The following SDE2 variants were observed in gnomAD, a reference collection of about 807,000 sequenced individuals.
SDE2 encodes the protein splicing regulator SDE2.
In SDE2, 31 loss-of-function variants were observed where a neutral mutation model predicts 46.9. The observed-to-expected ratio is 0.66, with a 90% confidence interval of 0.50 to 0.89. The LOEUF (loss-of-function observed/expected upper bound fraction) is 0.89, where lower values mean the gene tolerates loss of function less well. Among genes scored for constraint, SDE2 ranks in the 40% least tolerant of loss-of-function variants. The pLI, the probability that SDE2 is intolerant of heterozygous loss-of-function variation, is 0.00. For synonymous variants in SDE2, 205 were observed against 204.3 expected, an observed-to-expected ratio of 1.00 and a Z score of -0.03; for missense variants, 542 against 564.4, an observed-to-expected ratio of 0.96 and a Z score of 0.40.
rs572028152 is a variant in SDE2 at position 225,996,466 on chromosome 1, C to T, written c.121-1083G>A. 2.6e-5 allele frequency among the ~76,000 whole-genome samples: 4 copies of T among 152,184 alleles called. No individual in the cohort carries two copies. The East Asian group carries it at 5.8e-4, about 22-fold the overall frequency. ...CAGAATGGCTTATTAAACAAAACAA[C>T]TGATCAACAAAATTGCATTTTCTAC... On this transcript the variant is annotated intron_variant, in intron 1 of 6. Transcript: ENST00000272091.
chr1:225,992,619 C>T lies in SDE2; in HGVS notation c.351-52G>A, dbSNP rs1197442401. 5.3e-6 allele frequency: 6 copies of T among 1,140,302 alleles called. No individual in the cohort carries two copies. The Admixed American group carries it at 1.1e-4, about 22-fold the overall frequency. The allele number at this position is 1,140,302 out of a possible 1,614,324, so 70.6% of individuals were successfully genotyped here. On this transcript the variant is annotated intron_variant, in intron 3 of 6. Coordinates refer to ENST00000272091, the MANE Select transcript of SDE2 (RefSeq NM_152608.4). Reference sequence around the variant, plus strand: ...ACTGAATAGATATATTACATATACACTTTTATATATAAAATGTCTCTGACG... The same window carrying T: ...ACTGAATAGATATATTACATATACATTTTTATATATAAAATGTCTCTGACG...
At chr1:225,986,914 A>G (rs1656281585) in intron 6 of SDE2, among the ~76,000 whole-genome samples, 1 of 152,244 alleles carries the variant, frequency 6.6e-6, no homozygotes, top group Admixed American at 6.5e-5. Flanking sequence ...GAAGGAAATT[A>G]AGTAGTTTAG....
chr1:225,995,044 A>G (rs1302012288), intron 2 of SDE2, among the ~76,000 whole-genome samples: 2 of 152,226 alleles, frequency 1.3e-5, no homozygotes, highest in Non-Finnish European at 2.9e-5. Context: ...GCAGTGTCTC[A>G]AAAGAAAGAA....
intron 1 of SDE2, among the ~76,000 whole-genome samples, chr1:225,998,740 C>G (rs1490855872): frequency 6.6e-6 from 1 of 152,134 alleles, no homozygotes; most frequent in African/African-American, 2.4e-5. Context: ...ATTTTCCTTC[C>G]CAATCATCCT....
Position 225,993,285 on chromosome 1 carries a change from C to G in SDE2, c.239-283G>C, listed in dbSNP as rs116708868. ...ATCCTTGTGTTAGTTATTTGCATAC[C>G]GGTATAATACCTGTACAGCTAGAAT... On this transcript the variant is annotated intron_variant, in intron 2 of 6. Transcript: ENST00000272091. Among the ~76,000 whole-genome samples the G allele has an allele frequency of 4.4e-3, 670 of 152,068 alleles. 5 individuals carry two copies. The highest frequency in any genetic ancestry group is 0.016 in the African/African-American group (647 of 41,480).
intron 2 of SDE2, among the ~76,000 whole-genome samples, chr1:225,993,862 T>C (rs914867237): frequency 6.6e-6 from 1 of 151,476 alleles, no homozygotes; most frequent in African/African-American, 2.4e-5. Flanking sequence ...CTTGAACTCC[T>C]GGGCTCAATG....
At position 225,985,470 on chromosome 1, in the gene SDE2, C is replaced by T. The variant is rs369714593; in HGVS notation, c.1188G>A (p.Leu396=). Residue 396 remains leucine, a synonymous_variant, in exon 7 of 7, where the codon CTG becomes CTA. Transcript: ENST00000272091. ...DLLAFTSVAE[L]ELLGLEKLKC... is the part of the protein sequence containing the mutation. Reference sequence around the variant, plus strand: ...TGAGCTTCTCCAAACCCAGCAACTCCAGTTCTGCAACAGAGGTGAACGCCA... The same window carrying T: ...TGAGCTTCTCCAAACCCAGCAACTCTAGTTCTGCAACAGAGGTGAACGCCA... 223 of 1,614,026 alleles carry T rather than the reference C, an allele frequency of 1.4e-4. No homozygotes were observed. The highest frequency in any genetic ancestry group is 1.8e-4 in the Non-Finnish European group (210 of 1,179,966).
intron 1 of SDE2, among the ~76,000 whole-genome samples, chr1:225,995,796 TAAG>T (rs1173696235): frequency 6.6e-6 from 1 of 152,128 alleles, no homozygotes; most frequent in Non-Finnish European, 1.5e-5. Flanking sequence ...CAGGTAGGAA[TAAG>T]AAGTAGAGAA....
At chr1:225,997,744 T>A (rs1368118622) in intron 1 of SDE2, among the ~76,000 whole-genome samples, 1 of 152,200 alleles carries the variant, frequency 6.6e-6, no homozygotes, top group African/African-American at 2.4e-5. Flanking sequence ...ATTTCTTGCT[T>A]CCGATTTAAA....
chr1:225,997,154 G>C (rs1361312812), intron 1 of SDE2, among the ~76,000 whole-genome samples: 3 of 152,020 alleles, frequency 2.0e-5, no homozygotes, highest in Non-Finnish European at 4.4e-5. Context: ...GGTGTAGTGT[G>C]GGGGAAACAA....
rs1185028326 is a variant in SDE2, at chr1:225,992,483, T to TACA, written c.432_434dup (p.Val145dup). ...GGCTGGTGAAGCAGTGCTTGGGTTC[T>TACA]ACAAGCTTCCGCTGCAGTCGCTCCA... is the stretch of plus-strand genomic sequence containing the variant. On this transcript the variant is annotated inframe_insertion, in exon 4 of 7. Coordinates refer to ENST00000272091, the MANE Select transcript of SDE2 (RefSeq NM_152608.4). The TACA allele has an allele frequency of 6.2e-7, 1 of 1,613,000 alleles. No homozygotes were observed.
Position 225,995,331 on chromosome 1 carries a change from G to C in SDE2, c.173C>G (p.Thr58Ser), listed in dbSNP as rs1263030239. 1 of 1,612,832 alleles carries C rather than the reference G, an allele frequency of 6.2e-7. No homozygotes were observed. Among genetic ancestry groups the C allele is most frequent in the Non-Finnish European group, 8.5e-7 (1 of 1,178,996 alleles). ...AGCTCCATGCTGCACTGTGTCACTG[G>C]TGTTAATGAGTGCTCCATTGCATTT... is the stretch of plus-strand genomic sequence containing the variant. ...FVKCNGALINTSDTVQHGAVY... is the reference protein window; with the variant it reads ...FVKCNGALINSSDTVQHGAVY... The change falls in exon 2 of 7, where the codon ACC (threonine) becomes AGC (serine). Residue 58 changes from threonine to serine, a missense_variant. Physicochemically the swap from Thr to Ser is moderately conservative, Grantham distance 58. Around this residue, in one of 3 missense-constraint regions of SDE2, gnomAD observed 135 missense variants for 106.5 expected, o/e 1.27. Transcript: ENST00000272091.
At position 225,987,920 on chromosome 1, in the gene SDE2, C is replaced by G. The variant is rs768794158; in HGVS notation, c.1110G>C (p.Leu370=). The part of the protein sequence containing the change: ...EERENVAVAK[L]QESQPGNAVI... ...CTGCGTTTCCTGGCTGGCTTTCCTG[C>G]AGTTTGGCAACGGCAACGTTTTCCC... The change falls in exon 6 of 7, where the codon CTG becomes CTC. Residue 370 remains leucine, a synonymous_variant. Transcript: ENST00000272091. 12 of 1,612,232 alleles carry G rather than the reference C, an allele frequency of 7.4e-6. 1 individual carries two copies. The Middle Eastern group carries it at 1.2e-3, about 155-fold the overall frequency.
chr1:225,991,796 G>C (rs1197263533), intron 4 of SDE2, among the ~76,000 whole-genome samples: 1 of 152,198 alleles, frequency 6.6e-6, no homozygotes, highest in Admixed American at 6.5e-5. Context: ...ATTAAAAACT[G>C]ACTTAAAACT....
chr1:225,992,779 G>T lies in SDE2; in HGVS notation c.350+112C>A, dbSNP rs559618974. On this transcript the variant is annotated intron_variant, in intron 3 of 6. Coordinates refer to ENST00000272091, the MANE Select transcript of SDE2 (RefSeq NM_152608.4). The stretch of plus-strand genomic sequence containing the variant: ...AAGGTTAAATCTGATAATAAATTTG[G>T]ATGTAAATATTTTAAGTTTCCATTT... 8.6e-6 allele frequency: 6 copies of T among 697,502 alleles called. No homozygotes were observed. In the Admixed American group the frequency reaches 1.1e-4, roughly 13 times the overall value. 43.2% of individuals were successfully genotyped at this position (697,502 alleles called of 1,614,324 possible).
At chr1:225,995,022 C>T (rs781334439) in intron 2 of SDE2, among the ~76,000 whole-genome samples, 35 of 151,678 alleles carry the variant, frequency 2.3e-4, no homozygotes, top group Middle Eastern at 6.8e-3. Context: ...CCAGCCTGGG[C>T]GACAAAACAA....
chr1:225,985,697 A>G (rs145800219), intron 6 of SDE2, among the ~76,000 whole-genome samples, 174 bp from the exon 7 acceptor site: 19 of 152,308 alleles, frequency 1.2e-4, no homozygotes, highest in Non-Finnish European at 2.5e-4. Context: ...AACACACATA[A>G]TAACTAATTT....
intron 5 of SDE2, among the ~76,000 whole-genome samples, chr1:225,990,977 C>CA (rs1656385267): frequency 6.6e-6 from 1 of 151,974 alleles, no homozygotes; most frequent in Non-Finnish European, 1.5e-5. Flanking sequence ...CCTTCAACAC[C>CA]AAAAAAGTAA....
intron 6 of SDE2, 23 bp downstream of exon 6, chr1:225,987,871 GGT>G: frequency 6.3e-7 from 1 of 1,584,374 alleles, no homozygotes. Flanking sequence ...TTTGGCTCTA[GGT>G]ATCAACCCCA....
Sources: gnomAD v4.1 joint callset for allele counts (sites outside exome capture counted in the v4.1 genomes callset) on GRCh38, gnomAD v4.1.1 for gene constraint, gnomAD v4.1.1 regional missense constraint, MANE v1.5 for transcripts, NCBI Gene and HGNC (gene_info 2026-07-23, HGNC 2026-07-21) for gene names.